Variants in PRAMEF14 observed in about 807,000 individuals in gnomAD.
PRAMEF14 encodes PRAME family member 14.
PRAMEF14 carries 24 observed loss-of-function variants against 38.3 expected under a neutral mutation model. That is an observed-to-expected ratio of 0.63 (90% CI 0.45 to 0.88). The LOEUF (loss-of-function observed/expected upper bound fraction) is 0.88, where lower values mean the gene tolerates loss of function less well. PRAMEF14 is among the 40% of genes least tolerant of loss of function. PRAMEF14 has a pLI of 0.00. For synonymous variants in PRAMEF14, 194 were observed against 226.4 expected (o/e 0.86, Z 1.29); for missense variants, 477 against 570.8 (o/e 0.84, Z 1.67).
Position 13,342,299 on chromosome 1 carries a change from T to C in PRAMEF14, c.*229A>G. ...TCACTCATGCCAGTAATCCCAGCAC[T>C]TTAGGAAGCTGAGGCAGGAGGATCC... On this transcript the variant is annotated 3_prime_UTR_variant, in exon 4 of 4. Transcript: ENST00000334600. The C allele has an allele frequency of 1.3e-6, 1 of 766,788 alleles. No individual in the cohort carries two copies. 47.5% of individuals were successfully genotyped at this position (766,788 alleles called of 1,614,324 possible).
intron 3 of PRAMEF14, 143 bp downstream of exon 3, chr1:13,343,895 A>G: frequency 1.3e-6 from 2 of 1,505,372 alleles, no homozygotes; most frequent in South Asian, 1.3e-5. Context: ...GGAACACTGA[A>G]TGGGACAATG....
intron 3 of PRAMEF14, among the ~76,000 whole-genome samples, chr1:13,343,365 C>T (rs1294213726): frequency 1.5e-5 from 2 of 137,704 alleles, no homozygotes; most frequent in African/African-American, 2.7e-5. Context: ...AAAACTTTAT[C>T]TCTGGGCTAC....
At position 13,342,791 on chromosome 1, in the gene PRAMEF14, A is replaced by C. The variant is rs1640347331; in HGVS notation, c.1162T>G (p.Cys388Gly). The change falls in exon 4 of 4, where the codon TGT becomes GGT. Residue 388 changes from cysteine (C) to glycine (G), a missense_variant. This residue lies in a region of PRAMEF14 where 151 missense variants were observed against 137.4 expected (regional missense o/e 1.10). Coordinates refer to ENST00000334600, the MANE Select transcript of PRAMEF14 (RefSeq NM_001024661.2). The part of the protein sequence containing the change: ...QLTTFYFGRN[C>G]MSMGALKDLL... ...TCCTTCAGGGCACCCATAGACATAC[A>C]ATTTCTGCCAAAGTAGAAGGTGGTG... is the stretch of plus-strand genomic sequence containing the variant. The C allele has an allele frequency of 1.2e-6, 2 of 1,604,596 alleles. No homozygotes were observed. The highest frequency in any genetic ancestry group is 1.3e-5 in the African/African-American group (1 of 74,610).
rs751882578 is a variant in PRAMEF14, at chr1:13,342,819, C to G, written c.1134G>C (p.Gln378His). 2.5e-6 allele frequency: 4 copies of G among 1,607,876 alleles called. No homozygotes were observed. The highest frequency in any genetic ancestry group is 3.4e-6 in the Non-Finnish European group (4 of 1,179,082). Residue 378 changes from glutamine (Q) to histidine (H), a missense_variant, in exon 4 of 4, where the codon CAG becomes CAC. Transcript: ENST00000334600. ...TTCTGCCAAAGTAGAAGGTGGTGAG[C>G]TGGGAGCAGTGGCTCAGGCCAGGCA... ...AILPGLSHCS[Q>H]LTTFYFGRNC...
At position 13,342,780 on chromosome 1, in the gene PRAMEF14, C is replaced by A; in HGVS notation, c.1173G>T (p.Met391Ile). The A allele has an allele frequency of 6.2e-7, 1 of 1,604,120 alleles. No individual in the cohort carries two copies. Among genetic ancestry groups the A allele is most frequent in the Non-Finnish European group, 8.5e-7 (1 of 1,176,968 alleles). ...GGCACAACAGGTCCTTCAGGGCACC[C>A]ATAGACATACAATTTCTGCCAAAGT... Reference protein sequence around the residue: ...TFYFGRNCMSMGALKDLLCHT... With the variant: ...TFYFGRNCMSIGALKDLLCHT... The change falls in exon 4 of 4, where the codon ATG (methionine) becomes ATT (isoleucine). Residue 391 changes from methionine to isoleucine, a missense_variant. Coordinates refer to ENST00000334600, the MANE Select transcript of PRAMEF14 (RefSeq NM_001024661.2).
In PRAMEF14 at chr1:13,344,465, A is replaced by G. The variant is rs1640375006; in HGVS notation, c.439T>C (p.Leu147=). 16 of 1,607,062 alleles carry G rather than the reference A, an allele frequency of 1.0e-5. No individual in the cohort carries two copies. Among genetic ancestry groups the G allele is most frequent in the African/African-American group, 1.3e-5 (1 of 74,748 alleles). ...DCPRMGEHQP[L]KVFIDICLKE... ...AGGCAGATGTCTATGAACACCTTTA[A>G]GGGCTGGTGCTCTCCCATCCTTGGA... The change falls in exon 3 of 4, where the codon TTA becomes CTA. Residue 147 remains leucine, a synonymous_variant. Coordinates refer to ENST00000334600, the MANE Select transcript of PRAMEF14 (RefSeq NM_001024661.2).
intron 1 of PRAMEF14, among the ~76,000 whole-genome samples, chr1:13,346,206 T>G (rs1454556802): frequency 6.6e-6 from 1 of 150,860 alleles, no homozygotes; most frequent in African/African-American, 2.4e-5. Context: ...TTGGAAGGTA[T>G]GTATAGAAAT....
Position 13,344,295 on chromosome 1 carries a change from G to A in PRAMEF14, c.609C>T (p.Tyr203=). 3 of 1,606,484 alleles carry A rather than the reference G, an allele frequency of 1.9e-6. No individual in the cohort carries two copies. The highest frequency in any genetic ancestry group is 1.1e-5 in the South Asian group (1 of 90,576). The change falls in exon 3 of 4, where the codon TAC becomes TAT. Residue 203 remains tyrosine, a synonymous_variant. Transcript: ENST00000334600. Reference sequence around the variant, plus strand: ...TTTCCAGCTGTTGAATACTATTCAGGTATATTATTTTCAATGACTTTCTGA... The same window carrying A: ...TTTCCAGCTGTTGAATACTATTCAGATATATTATTTTCAATGACTTTCTGA... ...KHLRKSLKII[Y]LNSIQQLEIR... is the part of the protein sequence containing the mutation.
rs1232632472 is a variant in PRAMEF14 at position 13,344,467 on chromosome 1, G to A, written c.437C>T (p.Pro146Leu). ...GCAGATGTCTATGAACACCTTTAAGGGCTGGTGCTCTCCCATCCTTGGACA... is the reference window on the plus strand; with the variant it reads ...GCAGATGTCTATGAACACCTTTAAGAGCTGGTGCTCTCCCATCCTTGGACA... The part of the protein sequence containing the change: ...EDCPRMGEHQ[P>L]LKVFIDICLK... Residue 146 changes from proline (P) to leucine (L), a missense_variant, in exon 3 of 4, where the codon CCC becomes CTC. This residue lies in a region of PRAMEF14 where 234 missense variants were observed against 247.4 expected (regional missense o/e 0.95). Transcript: ENST00000334600. 2 of 1,607,010 alleles carry A rather than the reference G, an allele frequency of 1.2e-6. No homozygotes were observed. Among genetic ancestry groups the A allele is most frequent in the Non-Finnish European group, 1.7e-6 (2 of 1,178,820 alleles).
rs1297876066 is a variant in PRAMEF14, at chr1:13,345,223, A to G, written c.92T>C (p.Leu31Pro). 2.5e-6 allele frequency: 4 copies of G among 1,606,290 alleles called. No homozygotes were observed. Among genetic ancestry groups the G allele is most frequent in the Non-Finnish European group, 3.4e-6 (4 of 1,178,034 alleles). ...QALSISAMEE[L>P]PRVLYLPLFM... Reference sequence around the variant, plus strand: ...GAGTGGGAGATAGAGCACCCTGGGCAGCTCCTCCATGGCAGAGATGGACAA... The same window carrying G: ...GAGTGGGAGATAGAGCACCCTGGGCGGCTCCTCCATGGCAGAGATGGACAA... The change falls in exon 2 of 4, where the codon CTG (leucine) becomes CCG (proline). Residue 31 changes from leucine (L) to proline (P), a missense_variant. Transcript: ENST00000334600.
Position 13,344,361 on chromosome 1 carries a change from G to C in PRAMEF14, c.543C>G (p.Cys181Trp), listed in dbSNP as rs1260121782. The change falls in exon 3 of 4, where the codon TGC (cysteine) becomes TGG (tryptophan). Residue 181 changes from cysteine (C) to tryptophan (W), a missense_variant. By Grantham distance (215) the Cys-to-Trp change is radical. Around this residue, in one of 4 missense-constraint regions of PRAMEF14, gnomAD observed 234 missense variants for 247.4 expected, o/e 0.95. Transcript: ENST00000334600. ...VYQRRGLVHL[C>W]CSKLVNYLTP... Reference sequence around the variant, plus strand: ...TTAGATAATTGACCAGCTTACTACAGCACAGGTGTACTAAACCTCTCCTTT... The same window carrying C: ...TTAGATAATTGACCAGCTTACTACACCACAGGTGTACTAAACCTCTCCTTT... The C allele has an allele frequency of 1.0e-5, 16 of 1,607,174 alleles. 2 individuals are homozygous for C. The highest frequency in any genetic ancestry group is 6.6e-5 in the South Asian group (6 of 90,622).
intron 1 of PRAMEF14, among the ~76,000 whole-genome samples, chr1:13,346,581 T>G (rs1640407487): frequency 6.7e-6 from 1 of 149,076 alleles, no homozygotes; most frequent in Non-Finnish European, 1.5e-5. Context: ...TAGACATCAC[T>G]TCCACATACT....
At position 13,344,217 on chromosome 1, in the gene PRAMEF14, C is replaced by G. The variant is rs1640370398; in HGVS notation, c.687G>C (p.Lys229Asn). The G allele has an allele frequency of 1.2e-6, 2 of 1,608,602 alleles. No individual in the cohort carries two copies. The highest frequency in any genetic ancestry group is 2.7e-5 in the African/African-American group (2 of 74,712). The change falls in exon 3 of 4, where the codon AAG becomes AAC. Residue 229 changes from lysine to asparagine, a missense_variant. Physicochemically the swap from Lys to Asn is moderately conservative, Grantham distance 94. Coordinates refer to ENST00000334600, the MANE Select transcript of PRAMEF14 (RefSeq NM_001024661.2). ...CGAGTTTGCGAAGATTCTTCATCTC[C>G]TTCAGGTAACAACGAAGCTTTCTTA... ...RLIRKLRCYLKEMKNLRKLVF... is the reference protein window; with the variant it reads ...RLIRKLRCYLNEMKNLRKLVF...
At chr1:13,345,641 A>G (rs1438869742) in intron 1 of PRAMEF14, among the ~76,000 whole-genome samples, 2 of 148,618 alleles carry the variant, frequency 1.3e-5, no homozygotes, top group African/African-American at 2.4e-5. Flanking sequence ...TTCACACCAT[A>G]AACGTGCTGG....
intron 1 of PRAMEF14, among the ~76,000 whole-genome samples, chr1:13,346,648 G>C (rs1640408525): frequency 6.7e-6 from 1 of 148,314 alleles, no homozygotes; most frequent in Non-Finnish European, 1.5e-5. Flanking sequence ...CATGATCTGA[G>C]CAAAACTGCA....
At position 13,341,911 on chromosome 1, in the gene PRAMEF14, T is replaced by C. The variant is rs1271887283; in HGVS notation, c.*617A>G. On this transcript the variant is annotated 3_prime_UTR_variant, in exon 4 of 4. Transcript: ENST00000334600. ...ATACTTAAAATGATCAAATTCTATTTGGTTGCTTTGATGTTCTACAGCTGA... is the reference window on the plus strand; with the variant it reads ...ATACTTAAAATGATCAAATTCTATTCGGTTGCTTTGATGTTCTACAGCTGA... 1.3e-5 allele frequency: 2 copies of C among 154,490 alleles called. No homozygotes were observed. The highest frequency in any genetic ancestry group is 2.9e-5 in the Non-Finnish European group (2 of 69,524). 9.6% of individuals were successfully genotyped at this position (154,490 alleles called of 1,614,324 possible).
intron 1 of PRAMEF14, among the ~76,000 whole-genome samples, chr1:13,345,988 AG>A (rs1640398495): frequency 2.6e-5 from 4 of 151,036 alleles, no homozygotes; most frequent in Admixed American, 2.6e-4. Flanking sequence ...TTAAAATGTT[AG>A]CCAGGTGTGG....
Position 13,343,227 on chromosome 1 carries a change from G to A in PRAMEF14, c.867-141C>T. 4 of 680,864 alleles carry A rather than the reference G, an allele frequency of 5.9e-6. No homozygotes were observed. The South Asian group carries it at 7.7e-5, about 13-fold the overall frequency. 42.2% of individuals were successfully genotyped at this position (680,864 alleles called of 1,614,324 possible). ...ATGGTCCTCATGGAAGTTGCTGCAT[G>A]ATGAGGACCCTGATCGTTCAGGGGC... On this transcript the variant is annotated intron_variant, in intron 3 of 3. Transcript: ENST00000334600.
rs201889405 is a variant in PRAMEF14, at chr1:13,342,520, C to T, written c.*8G>A. The T allele has an allele frequency of 0.039, 62,742 of 1,604,374 alleles. 4,558 individuals carry two copies. The highest frequency in any genetic ancestry group is 0.14 in the South Asian group (12,967 of 90,444). On this transcript the variant is annotated 3_prime_UTR_variant, in exon 4 of 4. Coordinates refer to ENST00000334600, the MANE Select transcript of PRAMEF14 (RefSeq NM_001024661.2). ...TTGGATTTCTCTACCCCGCTAGGCACGCCTTCCCTAGCAGCAAAGATGGAG... is the reference window on the plus strand; with the variant it reads ...TTGGATTTCTCTACCCCGCTAGGCATGCCTTCCCTAGCAGCAAAGATGGAG...
Sources: allele counts gnomAD v4.1 joint callset (sites outside exome capture counted in the v4.1 genomes callset), GRCh38; gene constraint gnomAD v4.1.1; regional missense constraint gnomAD v4.1.1; transcripts MANE v1.5; gene names NCBI Gene and HGNC (gene_info 2026-07-23, HGNC 2026-07-21).